Variants in CDH4 observed in about 807,000 individuals in gnomAD.
CDH4 encodes cadherin-4.
CDH4 carries 33 observed loss-of-function variants against 86.0 expected under a neutral mutation model. The observed-to-expected ratio is 0.38, with a 90% CI of 0.29 to 0.51. The LOEUF is 0.51. CDH4 is among the 20% of genes least tolerant of loss of function. The pLI, the probability that CDH4 is intolerant of heterozygous loss-of-function variation, is 0.86. For synonymous variants in CDH4, 555 were observed against 549.4 expected (o/e 1.01, Z -0.14); for missense variants, 1,114 against 1,307.4 (o/e 0.85, Z 2.28).
chr20:61,427,491 T>C (rs1238067874), intron 2 of CDH4, among the ~76,000 whole-genome samples: 1 of 125,058 alleles, frequency 8.0e-6, no homozygotes. Flanking sequence ...GTTTCCCAAC[T>C]GAGAGGCTTT....
intron 2 of CDH4, among the ~76,000 whole-genome samples, chr20:61,429,102 C>T (rs76101502): frequency 0.047 from 7,135 of 152,188 alleles, 558 homozygotes; most frequent in African/African-American, 0.16. Flanking sequence ...TTACCTATGA[C>T]GGTAAGCTTA....
intron 5 of CDH4, among the ~76,000 whole-genome samples, chr20:61,847,279 C>A (rs1355900988): frequency 2.0e-5 from 3 of 152,360 alleles, no homozygotes; most frequent in African/African-American, 7.2e-5. Context: ...ACAGTGCCCC[C>A]TTCATGCACC....
chr20:61,859,250 A>G (rs1983209186), intron 6 of CDH4, among the ~76,000 whole-genome samples: 1 of 152,122 alleles, frequency 6.6e-6, no homozygotes, highest in Admixed American at 6.5e-5. Flanking sequence ...CTACTACGTT[A>G]TTCTTTTACT....
chr20:61,696,805 G>T (rs2087719438), intron 2 of CDH4, among the ~76,000 whole-genome samples: 1 of 152,216 alleles, frequency 6.6e-6, no homozygotes, highest in Admixed American at 6.5e-5. Flanking sequence ...CTTGGAAAAA[G>T]AGTGTTTGAA....
intron 2 of CDH4, among the ~76,000 whole-genome samples, chr20:61,343,783 A>G (rs191070100): frequency 1.2e-3 from 177 of 152,266 alleles, no homozygotes; most frequent in African/African-American, 4.1e-3. Flanking sequence ...TTAGAAACAG[A>G]TTAGCATGAT....
At chr20:61,817,276 C>G (rs1980766526) in intron 4 of CDH4, among the ~76,000 whole-genome samples, 2 of 152,132 alleles carry the variant, frequency 1.3e-5, no homozygotes, top group South Asian at 4.1e-4. Context: ...GTGCCCCTCA[C>G]CGGGCCCAGC....
chr20:61,402,888 A>G (rs892248981), intron 2 of CDH4, among the ~76,000 whole-genome samples: 14 of 152,096 alleles, frequency 9.2e-5, no homozygotes, highest in African/African-American at 3.4e-4. Flanking sequence ...GAGAAAATCC[A>G]TTTTTCCTTT....
At chr20:61,923,264 C>T (rs1465194167) in intron 9 of CDH4, among the ~76,000 whole-genome samples, 187 bp from the exon 10 acceptor site, 1 of 152,226 alleles carries the variant, frequency 6.6e-6, no homozygotes, top group Non-Finnish European at 1.5e-5. Context: ...CCAAACCCAG[C>T]AGGAAGCCAG....
At chr20:61,490,831 G>A (rs898444153) in intron 2 of CDH4, among the ~76,000 whole-genome samples, 1 of 152,152 alleles carries the variant, frequency 6.6e-6, no homozygotes, top group African/African-American at 2.4e-5. Context: ...CAACTGCAAG[G>A]CTCTTAAAAT....
rs566879216 is a variant in CDH4 at position 61,724,651 on chromosome 20, G to A, written c.170-18912G>A. 8.8e-4 allele frequency among the ~76,000 whole-genome samples: 134 copies of A among 152,316 alleles called. 2 individuals are homozygous for A. Among genetic ancestry groups the A allele is most frequent in the African/African-American group, 3.1e-3 (129 of 41,576 alleles). On this transcript the variant is annotated intron_variant, in intron 2 of 15. Transcript: ENST00000614565. ...TGGCCATCAGGGCTGTCCACTTGGG[G>A]GCAGCAGTCAAGATGGGAAGATTCT...
At chr20:61,362,571 T>C (rs1230386470) in intron 2 of CDH4, among the ~76,000 whole-genome samples, 2 of 140,764 alleles carry the variant, frequency 1.4e-5, no homozygotes, top group South Asian at 4.7e-4. Flanking sequence ...GACAGCGTAG[T>C]GGAGAGCAGA....
chr20:61,789,412 G>T (rs1038426690), intron 4 of CDH4, among the ~76,000 whole-genome samples: 13 of 152,174 alleles, frequency 8.5e-5, no homozygotes, highest in Admixed American at 6.5e-4. Flanking sequence ...ATCAGCCAAG[G>T]TGCATGTCAG....
At chr20:61,609,373 A>C (rs1431834660) in intron 2 of CDH4, among the ~76,000 whole-genome samples, 2 of 152,188 alleles carry the variant, frequency 1.3e-5, no homozygotes, top group Non-Finnish European at 2.9e-5. Flanking sequence ...TTTTGCGACA[A>C]GCACTGGCCT....
At chr20:61,451,419 T>C (rs907952603) in intron 2 of CDH4, among the ~76,000 whole-genome samples, 8 of 152,206 alleles carry the variant, frequency 5.3e-5, no homozygotes, top group African/African-American at 2.4e-5. Flanking sequence ...AGCCTCAGTT[T>C]TGTAATCTGC....
intron 6 of CDH4, among the ~76,000 whole-genome samples, chr20:61,863,282 C>T (rs939666113): frequency 6.6e-6 from 1 of 152,224 alleles, no homozygotes; most frequent in Non-Finnish European, 1.5e-5. Flanking sequence ...TCCTCACCTG[C>T]AGCCGGGGCG....
At chr20:61,865,448 T>TGGGTTAGTTTCCTGTAC (rs1983502906) in intron 6 of CDH4, among the ~76,000 whole-genome samples, 1 of 152,104 alleles carries the variant, frequency 6.6e-6, no homozygotes, top group African/African-American at 2.4e-5. Flanking sequence ...GTGTATGTAA[T>TGGGTTAGTTTCCTGTAC]GGGTTAGTTT....
rs537739211 is a variant in CDH4, at chr20:61,580,732, C to G, written c.170-162831C>G. On this transcript the variant is annotated intron_variant, in intron 2 of 15. Coordinates refer to ENST00000614565, the MANE Select transcript of CDH4 (RefSeq NM_001794.5). The stretch of plus-strand genomic sequence containing the variant: ...TGGCGTCTTTGTTTCCAGACCACCA[C>G]TGGTGACAGGCGTTGGGCGCACGAA... Among the ~76,000 whole-genome samples, 6 of 152,292 alleles carry G rather than the reference C, an allele frequency of 3.9e-5. No homozygotes were observed. In the East Asian group the frequency reaches 1.2e-3, roughly 29 times the overall value.
At chr20:61,309,594 G>A (rs2084434854) in intron 2 of CDH4, among the ~76,000 whole-genome samples, 2 of 152,352 alleles carry the variant, frequency 1.3e-5, no homozygotes, top group Admixed American at 1.3e-4. Flanking sequence ...CTTAGGAAGA[G>A]AAATGGTTTA....
chr20:61,610,347 G>A (rs533725768), intron 2 of CDH4, among the ~76,000 whole-genome samples: 77 of 152,316 alleles, frequency 5.1e-4, no homozygotes, highest in African/African-American at 1.8e-3. Context: ...TTTTATGGCT[G>A]AATACTATTC....
Sources: allele counts gnomAD v4.1 joint callset (sites outside exome capture counted in the v4.1 genomes callset), GRCh38; gene constraint gnomAD v4.1.1; transcripts MANE v1.5; gene names NCBI Gene and HGNC (gene_info 2026-07-23, HGNC 2026-07-21).